RSPO4: variants seen among roughly 807,000 people sequenced by gnomAD.
The protein encoded by RSPO4 is R-spondin 4.
In RSPO4, 23 loss-of-function variants were observed where a neutral mutation model predicts 24.8. That is an observed-to-expected ratio of 0.93 (90% CI 0.67 to 1.31). The LOEUF (loss-of-function observed/expected upper bound fraction) is 1.31. Among genes scored for constraint, RSPO4 ranks in the 40% most tolerant of loss-of-function variants. The pLI is 0.00. For synonymous variants in RSPO4, 141 were observed against 127.4 expected, an observed-to-expected ratio of 1.11 and a Z score of -0.72; for missense variants, 333 against 316.5, an observed-to-expected ratio of 1.05 and a Z score of -0.39.
intron 1 of RSPO4, among the ~76,000 whole-genome samples, chr20:999,054 C>T (rs941858730): frequency 6.6e-6 from 1 of 150,482 alleles, no homozygotes; most frequent in East Asian, 2.0e-4. Context: ...GGCACAATCA[C>T]GGCTCACTGC....
chr20:968,026 G>T lies in RSPO4; in HGVS notation c.192C>A (p.Arg64=), dbSNP rs745514631. 1 of 1,614,246 alleles carries T rather than the reference G, an allele frequency of 6.2e-7. No homozygotes were observed. Among genetic ancestry groups the T allele is most frequent in the East Asian group, 2.2e-5 (1 of 44,880 alleles). The change falls in exon 2 of 5, where the codon CGC becomes CGA. Residue 64 remains arginine, a synonymous_variant. Transcript: ENST00000217260. ...LFLFIRREGI[R]QYGKCLHDCP... ...AGTCGTGCAGGCACTTGCCGTACTG[G>T]CGGATGCCTTCCCGGCGGATGAACA...
intron 4 of RSPO4, 27 bp downstream of exon 4, chr20:963,908 G>A: frequency 6.2e-7 from 1 of 1,611,152 alleles, no homozygotes; most frequent in Non-Finnish European, 8.5e-7. Flanking sequence ...TCCCACCGCA[G>A]CCTCGTGTGC....
intron 1 of RSPO4, among the ~76,000 whole-genome samples, chr20:991,403 A>G (rs934795652): frequency 3.3e-5 from 5 of 152,174 alleles, no homozygotes; most frequent in Admixed American, 6.5e-5. Context: ...AAAGGTGAGG[A>G]CTCTACAAAG....
chr20:961,901 C>T (rs891244612), intron 4 of RSPO4, among the ~76,000 whole-genome samples: 1 of 151,978 alleles, frequency 6.6e-6, no homozygotes, highest in African/African-American at 2.4e-5. Context: ...CCTATCCATC[C>T]ACCTGTTCAC....
chr20:989,340 T>C (rs1345953975), intron 1 of RSPO4, among the ~76,000 whole-genome samples: 1 of 152,152 alleles, frequency 6.6e-6, no homozygotes, highest in African/African-American at 2.4e-5. Flanking sequence ...GCACCTCTTC[T>C]GCAAAATAGG....
At chr20:976,074 G>C (rs559139085) in intron 1 of RSPO4, among the ~76,000 whole-genome samples, 1 of 152,088 alleles carries the variant, frequency 6.6e-6, no homozygotes, top group Non-Finnish European at 1.5e-5. Context: ...GAGATCCCTC[G>C]TCTCTGTGGG....
At chr20:962,999 C>G (rs1984054110) in intron 4 of RSPO4, among the ~76,000 whole-genome samples, 1 of 152,238 alleles carries the variant, frequency 6.6e-6, no homozygotes, top group Admixed American at 6.5e-5. Context: ...AGTGCCCAGT[C>G]AACACTGCCA....
At chr20:980,798 G>C (rs897678138) in intron 1 of RSPO4, among the ~76,000 whole-genome samples, 2 of 152,126 alleles carry the variant, frequency 1.3e-5, no homozygotes, top group African/African-American at 4.8e-5. Flanking sequence ...AAAAACAAGA[G>C]GTGCTGTCGC....
Position 969,832 on chromosome 20 carries a change from T to C in RSPO4, c.80-1694A>G, listed in dbSNP as rs143135562. 2.6e-3 allele frequency among the ~76,000 whole-genome samples: 395 copies of C among 152,178 alleles called. 2 individuals carry two copies. Among genetic ancestry groups the C allele is most frequent in the Non-Finnish European group, 3.3e-3 (227 of 68,002 alleles). ...TAGGGCAGCTTTTGAGAGGCAGCAA[T>C]TGGGGAAACAGTAAATGGTTTCATG... On this transcript the variant is annotated intron_variant, in intron 1 of 4. Transcript: ENST00000217260.
chr20:979,630 A>G (rs1174352961), intron 1 of RSPO4, among the ~76,000 whole-genome samples: 6 of 151,908 alleles, frequency 3.9e-5, no homozygotes, highest in Non-Finnish European at 7.3e-5. Context: ...CTGGGTCTGG[A>G]GAGTTACAGC....
At chr20:995,892 C>T (rs1985265436) in intron 1 of RSPO4, among the ~76,000 whole-genome samples, 1 of 152,196 alleles carries the variant, frequency 6.6e-6, no homozygotes, top group African/African-American at 2.4e-5. Flanking sequence ...CACATGCATG[C>T]ACACACTCAC....
intron 1 of RSPO4, among the ~76,000 whole-genome samples, chr20:971,587 G>C (rs1198822834): frequency 4.6e-5 from 7 of 152,146 alleles, no homozygotes; most frequent in Admixed American, 1.3e-4. Context: ...GCTCAAAGAC[G>C]GGGCTGAGAG....
At chr20:971,016 A>T (rs1176773229) in intron 1 of RSPO4, among the ~76,000 whole-genome samples, 2 of 152,070 alleles carry the variant, frequency 1.3e-5, no homozygotes, top group African/African-American at 2.4e-5. Flanking sequence ...ATAATTTTTT[A>T]AAAACTTTTG....
chr20:995,653 T>C lies in RSPO4; in HGVS notation c.79+6433A>G, dbSNP rs139022383. On this transcript the variant is annotated intron_variant, in intron 1 of 4. Transcript: ENST00000217260. ...TGTTTGGAGCTCCAGAGACAGACTC[T>C]CTGGGCTTACATCCCAGCACCCCTG... Among the ~76,000 whole-genome samples, 293 of 152,316 alleles carry C rather than the reference T, an allele frequency of 1.9e-3. 2 individuals are homozygous for C. Among genetic ancestry groups the C allele is most frequent in the African/African-American group, 6.6e-3 (274 of 41,566 alleles).
intron 4 of RSPO4, 143 bp from the exon 5 acceptor site, chr20:960,609 C>T (rs1207657823): frequency 2.2e-5 from 15 of 697,298 alleles, no homozygotes; most frequent in African/African-American, 3.5e-5. Flanking sequence ...CCTTGCAGTC[C>T]CTCCTGTTGA....
At position 981,432 on chromosome 20, in the gene RSPO4, T is replaced by G. The variant is rs963677864; in HGVS notation, c.80-13294A>C. 2.0e-5 allele frequency among the ~76,000 whole-genome samples: 3 copies of G among 152,092 alleles called. No individual in the cohort carries two copies. Among genetic ancestry groups the G allele is most frequent in the Admixed American group, 2.0e-4 (3 of 15,274 alleles). On this transcript the variant is annotated intron_variant, in intron 1 of 4. Transcript: ENST00000217260. The surrounding 1 kb of genome is among the most constrained non-coding windows in gnomAD (Gnocchi z 4.6). Reference sequence around the variant, plus strand: ...CCCAGCTACTCAGGTGGCTGAGGCATGAGAAACGCTTGAATCCAGGATGCG... The same window carrying G: ...CCCAGCTACTCAGGTGGCTGAGGCAGGAGAAACGCTTGAATCCAGGATGCG...
intron 1 of RSPO4, among the ~76,000 whole-genome samples, chr20:984,423 G>A (rs1984836755): frequency 6.6e-6 from 1 of 152,198 alleles, no homozygotes; most frequent in Non-Finnish European, 1.5e-5. Context: ...TCAGGAAAGG[G>A]GGCCAGGTCT....
intron 3 of RSPO4, among the ~76,000 whole-genome samples, chr20:964,793 T>TACACAC (rs1320914818): frequency 1.4e-4 from 15 of 104,052 alleles, no homozygotes; most frequent in African/African-American, 1.1e-3. Context: ...TATATACACA[T>TACACAC]ATATACACAC....
chr20:973,344 A>C (rs1984465775), intron 1 of RSPO4, among the ~76,000 whole-genome samples: 1 of 152,064 alleles, frequency 6.6e-6, no homozygotes, highest in Non-Finnish European at 1.5e-5. Context: ...CTGCAGTTTC[A>C]CTGGGGACAC....
Sources: gnomAD v4.1 joint callset for allele counts (sites outside exome capture counted in the v4.1 genomes callset) on GRCh38, gnomAD v4.1.1 for gene constraint, Gnocchi (gnomAD v3.1) non-coding constraint, MANE v1.5 for transcripts, NCBI Gene and HGNC (gene_info 2026-07-23, HGNC 2026-07-21) for gene names.